Variants in CYP7B1 observed in about 807,000 individuals in gnomAD.
CYP7B1 encodes cytochrome P450 family 7 subfamily B member 1.
CYP7B1 carries 29 observed loss-of-function variants against 42.7 expected under a neutral mutation model. The ratio of observed to expected loss-of-function variants is 0.68; its 90% CI spans 0.51 to 0.93. CYP7B1 has a LOEUF of 0.93. Among genes scored for constraint, CYP7B1 ranks in the 40% least tolerant of loss-of-function variants. The pLI, the probability that CYP7B1 is intolerant of heterozygous loss-of-function variation, is 0.00. For missense variants in CYP7B1, 655 were observed against 600.5 expected (o/e 1.09, Z -0.95); for synonymous variants, 235 against 218.2 (o/e 1.08, Z -0.68).
At chr8:64,608,402 T>C (rs1805314389) in intron 4 of CYP7B1, among the ~76,000 whole-genome samples, 1 of 152,198 alleles carries the variant, frequency 6.6e-6, no homozygotes, top group Admixed American at 6.5e-5. Flanking sequence ...TTAGGCCCTG[T>C]CTGTATATGT....
chr8:64,742,821 A>G (rs1473497518), intron 1 of CYP7B1, among the ~76,000 whole-genome samples: 2 of 152,228 alleles, frequency 1.3e-5, no homozygotes, highest in Non-Finnish European at 2.9e-5. Context: ...TATCAGAGGT[A>G]GCAAAAAGTT....
At chr8:64,657,716 A>T (rs1351240198) in intron 1 of CYP7B1, among the ~76,000 whole-genome samples, 1 of 152,198 alleles carries the variant, frequency 6.6e-6, no homozygotes, top group Non-Finnish European at 1.5e-5. Flanking sequence ...CTGTAATCCA[A>T]TCGCCTCAAA....
At chr8:64,779,472 C>T (rs541018595) in intron 1 of CYP7B1, among the ~76,000 whole-genome samples, 17 of 152,024 alleles carry the variant, frequency 1.1e-4, no homozygotes, top group Non-Finnish European at 2.4e-4. Context: ...AAGGAACCAA[C>T]AATATTGGAG....
chr8:64,707,614 G>T (rs1807019883), intron 1 of CYP7B1, among the ~76,000 whole-genome samples: 1 of 152,014 alleles, frequency 6.6e-6, no homozygotes, highest in Non-Finnish European at 1.5e-5. Context: ...AACATGGCAG[G>T]CTATCTTGGG....
At chr8:64,673,971 A>T (rs1806405723) in intron 1 of CYP7B1, among the ~76,000 whole-genome samples, 1 of 152,214 alleles carries the variant, frequency 6.6e-6, no homozygotes, top group Non-Finnish European at 1.5e-5. Flanking sequence ...AGCATAAAAT[A>T]TCTGGTCTTG....
chr8:64,798,454 C>T lies in CYP7B1; in HGVS notation c.122+12G>A. 4 of 1,508,630 alleles carry T rather than the reference C, an allele frequency of 2.7e-6. No individual in the cohort carries two copies. Among genetic ancestry groups the T allele is most frequent in the Non-Finnish European group, 3.5e-6 (4 of 1,137,152 alleles). 93.5% of individuals were successfully genotyped at this position (1,508,630 alleles called of 1,614,324 possible). On this transcript the variant is annotated intron_variant, in intron 1 of 5. Coordinates refer to ENST00000310193, the MANE Select transcript of CYP7B1 (RefSeq NM_004820.5). Reference sequence around the variant, plus strand: ...CAGGGCGCATGCGTGGCCTGGCGGCCGAGGCGCTTACCTGGTGCGCCGGAC... The same window carrying T: ...CAGGGCGCATGCGTGGCCTGGCGGCTGAGGCGCTTACCTGGTGCGCCGGAC...
intron 5 of CYP7B1, among the ~76,000 whole-genome samples, chr8:64,601,924 A>G (rs1275098909): frequency 6.6e-6 from 1 of 152,234 alleles, no homozygotes. Flanking sequence ...CTATATTTAT[A>G]CACAAATCAC....
chr8:64,777,921 T>A (rs896784857), intron 1 of CYP7B1, among the ~76,000 whole-genome samples: 1 of 151,964 alleles, frequency 6.6e-6, no homozygotes, highest in Non-Finnish European at 1.5e-5. Flanking sequence ...ACTTTATTTT[T>A]GGATTCTTTC....
chr8:64,613,452 A>T (rs1805390611), intron 4 of CYP7B1, among the ~76,000 whole-genome samples: 1 of 152,176 alleles, frequency 6.6e-6, no homozygotes, highest in Non-Finnish European at 1.5e-5. Context: ...ATACAAACAC[A>T]TATTCCTTTT....
Position 64,621,992 on chromosome 8 carries a change from TCA to T in CYP7B1, c.259+2409_259+2410del, listed in dbSNP as rs1431996668. Among the ~76,000 whole-genome samples, 4 of 151,952 alleles carry T rather than the reference TCA, an allele frequency of 2.6e-5. No individual in the cohort carries two copies. In the East Asian group the frequency reaches 7.8e-4, roughly 30 times the overall value. On this transcript the variant is annotated intron_variant, in intron 2 of 5. Transcript: ENST00000310193. ...ATTCCTACCTCGTGATCCACCCGCCTCAGACTGGCCAGCTTCCAGGCAAAGGA... is the reference window on the plus strand; with the variant it reads ...ATTCCTACCTCGTGATCCACCCGCCTGACTGGCCAGCTTCCAGGCAAAGGA...
At chr8:64,616,850 T>TG (rs1805456278) in intron 2 of CYP7B1, among the ~76,000 whole-genome samples, 1 of 152,218 alleles carries the variant, frequency 6.6e-6, no homozygotes, top group African/African-American at 2.4e-5. Flanking sequence ...TTTATGGATG[T>TG]GGGAGATTTA....
chr8:64,763,028 ACT>A (rs978464984), intron 1 of CYP7B1, among the ~76,000 whole-genome samples: 4 of 151,682 alleles, frequency 2.6e-5, no homozygotes, highest in African/African-American at 9.7e-5. Flanking sequence ...GCAACTGCAC[ACT>A]CTCCTGCTCC....
chr8:64,751,267 T>G (rs370377657), intron 1 of CYP7B1, among the ~76,000 whole-genome samples: 5 of 152,208 alleles, frequency 3.3e-5, no homozygotes, highest in East Asian at 3.8e-4. Context: ...ATGTCCCTTA[T>G]AAACCCACAC....
chr8:64,621,597 C>A (rs928616168), intron 2 of CYP7B1, among the ~76,000 whole-genome samples: 1 of 152,142 alleles, frequency 6.6e-6, no homozygotes, highest in Non-Finnish European at 1.5e-5. Flanking sequence ...AGGCGAGCAG[C>A]AGCAAGAGAC....
intron 1 of CYP7B1, among the ~76,000 whole-genome samples, chr8:64,772,226 C>G (rs748258675): frequency 5.9e-5 from 9 of 152,176 alleles, no homozygotes; most frequent in African/African-American, 1.4e-4. Context: ...TATGCAAGAT[C>G]CCATCTCTGA....
chr8:64,713,966 G>A (rs1019150659), intron 1 of CYP7B1, among the ~76,000 whole-genome samples: 41 of 152,158 alleles, frequency 2.7e-4, no homozygotes, highest in African/African-American at 9.4e-4. Flanking sequence ...TGCTTTGCAG[G>A]TAGTAACTCA....
At chr8:64,624,348 A>C in intron 2 of CYP7B1, 55 bp downstream of exon 2, 2 of 1,547,984 alleles carry the variant, frequency 1.3e-6, no homozygotes, top group Non-Finnish European at 1.8e-6. Flanking sequence ...AAAGACATTA[A>C]AGAACAAGTG....
rs145225020 is a variant in CYP7B1 at position 64,647,176 on chromosome 8, A to C, written c.123-22637T>G. 2.2e-3 allele frequency among the ~76,000 whole-genome samples: 331 copies of C among 152,272 alleles called. 1 individual carries two copies. The highest frequency in any genetic ancestry group is 7.4e-3 in the African/African-American group (309 of 41,560). On this transcript the variant is annotated intron_variant, in intron 1 of 5. Coordinates refer to ENST00000310193, the MANE Select transcript of CYP7B1 (RefSeq NM_004820.5). ...AGATGGGGGAATGGTTGGTCAGTGG[A>C]GCAGTCAGAATACATACAACATTTA...
Position 64,798,697 on chromosome 8 carries a change from G to T in CYP7B1, c.-110C>A. 2.4e-6 allele frequency: 3 copies of T among 1,229,842 alleles called. No individual in the cohort carries two copies. Among genetic ancestry groups the T allele is most frequent in the Non-Finnish European group, 3.2e-6 (3 of 941,276 alleles). 76.2% of individuals were successfully genotyped at this position (1,229,842 alleles called of 1,614,324 possible). ...TCTCGGCGGCGCCCCCTAGTCCAGG[G>T]CCGGAGAGGCTGGCCTGCCCGCAGC... On this transcript the variant is annotated 5_prime_UTR_variant, in exon 1 of 6. Transcript: ENST00000310193.
Sources: allele counts gnomAD v4.1 joint callset (sites outside exome capture counted in the v4.1 genomes callset), GRCh38; gene constraint gnomAD v4.1.1; transcripts MANE v1.5; gene names NCBI Gene and HGNC (gene_info 2026-07-23, HGNC 2026-07-21).